Variants in DNM1L observed in about 807,000 individuals in gnomAD.
DNM1L encodes the protein dynamin 1L.
DNM1L carries 33 observed loss-of-function variants against 92.8 expected under a neutral mutation model. The observed-to-expected ratio is 0.36, with a 90% CI of 0.27 to 0.48. The LOEUF is 0.48. Among genes scored for constraint, DNM1L ranks in the 20% least tolerant of loss-of-function variants. DNM1L has a pLI of 0.99. For synonymous variants in DNM1L, 284 were observed against 305.0 expected (o/e 0.93, Z 0.72); for missense variants, 485 against 888.8 (o/e 0.55, Z 5.78).
intron 7 of DNM1L, 120 bp downstream of exon 7, chr12:32,718,883 T>G (rs779857329): frequency 7.5e-6 from 10 of 1,337,712 alleles, no homozygotes; most frequent in Non-Finnish European, 1.1e-5. Context: ...TGTACTATAT[T>G]TTTTCTCCCT....
intron 15 of DNM1L, 61 bp downstream of exon 15, chr12:32,738,003 T>C (rs1449287837): frequency 1.3e-6 from 2 of 1,536,406 alleles, no homozygotes; most frequent in East Asian, 2.2e-5. Flanking sequence ...CATAATCTTC[T>C]GGAAACAATA....
chr12:32,697,819 A>G (rs1952530799), intron 1 of DNM1L, among the ~76,000 whole-genome samples: 1 of 152,200 alleles, frequency 6.6e-6, no homozygotes, highest in Non-Finnish European at 1.5e-5. Context: ...AAAAAAATCA[A>G]TTACAAAGCA....
chr12:32,726,510 T>A (rs1954155567), intron 9 of DNM1L: 2 of 1,059,232 alleles, frequency 1.9e-6, no homozygotes, highest in African/African-American at 1.6e-5. Flanking sequence ...ATCATCATCT[T>A]CAGTAGCTTC....
intron 4 of DNM1L, among the ~76,000 whole-genome samples, chr12:32,709,341 C>G (rs1025276986): frequency 6.6e-6 from 1 of 152,126 alleles, no homozygotes; most frequent in Non-Finnish European, 1.5e-5. Flanking sequence ...TCTGAATTCT[C>G]TCTCCTACAG....
chr12:32,717,676 C>A (rs1469749597), intron 6 of DNM1L, among the ~76,000 whole-genome samples: 1 of 76,372 alleles, frequency 1.3e-5, no homozygotes, highest in African/African-American at 5.7e-5. Flanking sequence ...AATACATATA[C>A]CTAGGTAGAT....
intron 6 of DNM1L, among the ~76,000 whole-genome samples, chr12:32,714,533 G>A (rs10844310): frequency 0.19 from 28,199 of 151,514 alleles, 3,108 homozygotes; most frequent in African/African-American, 0.32. Context: ...CGGCCTCCCA[G>A]AGTGCTGGGA....
intron 4 of DNM1L, chr12:32,709,723 G>A (rs1294157824): frequency 6.6e-6 from 1 of 152,186 alleles, no homozygotes; most frequent in Non-Finnish European, 1.5e-5. Context: ...TGTGAGTTTG[G>A]AGTTGCAAAG....
intron 9 of DNM1L, among the ~76,000 whole-genome samples, chr12:32,724,668 AATAATAATATAT>A (rs1445657248): frequency 3.6e-5 from 5 of 140,628 alleles, no homozygotes; most frequent in South Asian, 4.5e-4. Context: ...ATATATAAAA[AATAATAATATAT>A]ATAATAATAT....
chr12:32,743,443 T>G lies in DNM1L; in HGVS notation c.*33T>G. 6.2e-7 allele frequency: 1 copy of G among 1,606,438 alleles called. No homozygotes were observed. Among genetic ancestry groups the G allele is most frequent in the African/African-American group, 1.3e-5 (1 of 74,902 alleles). ...TATGTAATACTGAGACTTTGTTGAC[T>G]CAAAACTTGCTAGTTACTGCCTACC... On this transcript the variant is annotated 3_prime_UTR_variant, in exon 20 of 20. Transcript: ENST00000549701.
chr12:32,741,814 A>G (rs1023260819), intron 18 of DNM1L, among the ~76,000 whole-genome samples: 1 of 152,206 alleles, frequency 6.6e-6, no homozygotes, highest in Non-Finnish European at 1.5e-5. Context: ...GCAATAGGCT[A>G]TCCCATATAG....
chr12:32,711,262 A>G (rs971556589), intron 5 of DNM1L: 5 of 434,432 alleles, frequency 1.2e-5, no homozygotes, highest in South Asian at 2.5e-5. Flanking sequence ...CATCTCCCCA[A>G]TGTCTAAACA....
At position 32,730,482 on chromosome 12, in the gene DNM1L, C is replaced by T. The variant is rs183725467; in HGVS notation, c.1080-532C>T. On this transcript the variant is annotated intron_variant, in intron 9 of 19. Coordinates refer to ENST00000549701, the MANE Select transcript of DNM1L (RefSeq NM_012062.5). The stretch of plus-strand genomic sequence containing the variant: ...CTTTGGGAGGTCAAGGCGGGCGGAT[C>T]ACTTGAGGTCAGGAGTTTGAGACAA... Among the ~76,000 whole-genome samples, 1,406 of 152,364 alleles carry T rather than the reference C, an allele frequency of 9.2e-3. 17 individuals are homozygous for T. The highest frequency in any genetic ancestry group is 0.032 in the African/African-American group (1,321 of 41,598).
At chr12:32,722,698 A>C in intron 9 of DNM1L, 65 bp downstream of exon 9, 1 of 1,199,486 alleles carries the variant, frequency 8.3e-7, no homozygotes, top group Admixed American at 1.8e-5. Flanking sequence ...CCTTTTGTGA[A>C]GATGACTTCA....
intron 1 of DNM1L, among the ~76,000 whole-genome samples, chr12:32,682,232 A>G (rs1463275107): frequency 6.6e-6 from 1 of 152,112 alleles, no homozygotes; most frequent in East Asian, 1.9e-4. Context: ...TCCCGGCTTC[A>G]AGTGATTCTC....
At chr12:32,739,601 T>C (rs1177045211) in intron 16 of DNM1L, among the ~76,000 whole-genome samples, 2 of 152,196 alleles carry the variant, frequency 1.3e-5, no homozygotes, top group Non-Finnish European at 2.9e-5. Context: ...TTGAGAAACA[T>C]ATAAACTCTT....
At position 32,718,626 on chromosome 12, in the gene DNM1L, C is replaced by G. The variant is rs371700496; in HGVS notation, c.620-17C>G. 7.4e-6 allele frequency: 12 copies of G among 1,612,078 alleles called. No individual in the cohort carries two copies. Among genetic ancestry groups the G allele is most frequent in the African/African-American group, 2.7e-5 (2 of 74,650 alleles). The stretch of plus-strand genomic sequence containing the variant: ...TTCTTTCTTTTCTTTGCCCTTTTTT[C>G]TTTTTGCATTTACCAGGTCGCAGAA... On this transcript the variant is annotated splice_polypyrimidine_tract_variant and intron_variant, in intron 6 of 19. Transcript: ENST00000549701.
At position 32,731,291 on chromosome 12, in the gene DNM1L, T is replaced by G; in HGVS notation, c.1201-65T>G. ...CATGAAAAGTACCAAAAATGTGACT[T>G]TCTTAACCCTTGGGAAGAACTGAAA... is the stretch of plus-strand genomic sequence containing the variant. On this transcript the variant is annotated intron_variant, in intron 10 of 19. Coordinates refer to ENST00000549701, the MANE Select transcript of DNM1L (RefSeq NM_012062.5). The surrounding 1 kb of genome is among the most constrained non-coding windows in gnomAD (Gnocchi z 5.1). 6.2e-7 allele frequency: 1 copy of G among 1,607,024 alleles called. No individual in the cohort carries two copies. The highest frequency in any genetic ancestry group is 8.5e-7 in the Non-Finnish European group (1 of 1,176,476).
At chr12:32,739,944 G>A (rs1468195894) in intron 16 of DNM1L, 120 bp from the exon 17 acceptor site, 3 of 1,284,700 alleles carry the variant, frequency 2.3e-6, no homozygotes, top group African/African-American at 2.9e-5. Context: ...CTCATTATCT[G>A]TCTGAATAAA....
At chr12:32,724,593 AATAT>A (rs869170631) in intron 9 of DNM1L, among the ~76,000 whole-genome samples, 4,852 of 66,100 alleles carry the variant, frequency 0.073, 187 homozygotes, top group Middle Eastern at 0.16. Flanking sequence ...AAAAAAAAAA[AATAT>A]ATATATATAT....
Sources: gnomAD v4.1 joint callset for allele counts (sites outside exome capture counted in the v4.1 genomes callset) on GRCh38, gnomAD v4.1.1 for gene constraint, Gnocchi (gnomAD v3.1) non-coding constraint, MANE v1.5 for transcripts, NCBI Gene and HGNC (gene_info 2026-07-23, HGNC 2026-07-21) for gene names.